Variants in CACNA1B observed in about 807,000 individuals in gnomAD.
CACNA1B encodes calcium voltage-gated channel subunit alpha1 B.
Under a neutral mutation model 247.2 loss-of-function variants are expected in CACNA1B, and 70 were observed. The observed-to-expected ratio is 0.28, with a 90% CI of 0.23 to 0.35. The LOEUF is 0.35. CACNA1B is among the 10% of genes least tolerant of loss of function. The pLI is 1.00. For synonymous variants in CACNA1B, 1,231 were observed against 1,294.4 expected (o/e 0.95, Z 1.05); for missense variants, 2,367 against 3,197.4 (o/e 0.74, Z 6.26).
rs1462485382 is a variant in CACNA1B, at chr9:137,987,654, TG to T, written c.1974+802del. On this transcript the variant is annotated intron_variant, in intron 15 of 46. Transcript: ENST00000371372. ...TGCTGATCCTACCCTTGGTCAGGGC[TG>T]GAGCCTACAACTTGTGTGAAGAGAG... 2.0e-5 allele frequency among the ~76,000 whole-genome samples: 3 copies of T among 152,204 alleles called. No homozygotes were observed. In the South Asian group the frequency reaches 6.2e-4, roughly 31 times the overall value.
At chr9:138,104,275 G>A (rs1961350198) in intron 38 of CACNA1B, among the ~76,000 whole-genome samples, 1 of 152,240 alleles carries the variant, frequency 6.6e-6, no homozygotes, top group Non-Finnish European at 1.5e-5. Context: ...GGGGCCTGGA[G>A]TGGGCTGATG....
chr9:138,110,102 GATATATATATATATAC>G (rs1961570649), intron 39 of CACNA1B, among the ~76,000 whole-genome samples: 1 of 144,442 alleles, frequency 6.9e-6, no homozygotes, highest in Admixed American at 6.9e-5. Context: ...TTTGCTATAT[GATATATATATATATAC>G]ATATATATAT....
rs1194782552 is a variant in CACNA1B at position 138,121,298 on chromosome 9, C to T, written c.6490-171C>T. 6.6e-6 allele frequency among the ~76,000 whole-genome samples: 1 copy of T among 152,192 alleles called. No homozygotes were observed. The highest frequency in any genetic ancestry group is 1.5e-5 in the Non-Finnish European group (1 of 68,040). On this transcript the variant is annotated intron_variant, in intron 46 of 46. Transcript: ENST00000371372. This position sits in a 1 kb window ranked among gnomAD's most constrained non-coding sequence, Gnocchi z 6.8. ...GGCCTGACCCTGACCATCGCCCTCC[C>T]CCGCACACAGGTGCCTGTTGCCTCC...
intron 3 of CACNA1B, among the ~76,000 whole-genome samples, chr9:137,904,694 C>T (rs1039170227): frequency 6.6e-6 from 1 of 152,084 alleles, no homozygotes; most frequent in Non-Finnish European, 1.5e-5. Context: ...CTGCTGTCCC[C>T]TCAAGAATTT....
rs1314454181 is a variant in CACNA1B, at chr9:137,971,744, G to A, written c.1543+152G>A. On this transcript the variant is annotated intron_variant, in intron 11 of 46. Transcript: ENST00000371372. This position sits in a 1 kb window ranked among gnomAD's most constrained non-coding sequence, Gnocchi z 4.4. ...CCACAGCCCTAGTCAGCCTCCAGGA[G>A]CCTCTGTGGGGGCCTGGGGTGTGTC... Among the ~76,000 whole-genome samples the A allele has an allele frequency of 1.3e-5, 2 of 152,156 alleles. No homozygotes were observed. Among genetic ancestry groups the A allele is most frequent in the African/African-American group, 2.4e-5 (1 of 41,444 alleles).
chr9:138,121,757 C>G lies in CACNA1B; in HGVS notation c.6778C>G (p.Leu2260Val), dbSNP rs749603206. Residue 2260 changes from leucine (L) to valine (V), a missense_variant, in exon 47 of 47, where the codon CTG (leucine) becomes GTG (valine). Physicochemically the swap from Leu to Val is conservative, Grantham distance 32. This residue lies in a region of CACNA1B where 773 missense variants were observed against 779.4 expected (regional missense o/e 0.99). Coordinates refer to ENST00000371372, the MANE Select transcript of CACNA1B (RefSeq NM_000718.4). The surrounding 1 kb of genome is among the most constrained non-coding windows in gnomAD (Gnocchi z 6.8). ...PGSRIGSDPY[L>V]GQRLDSEASV... ...CTCTCGAATTGGCTCTGACCCTTAC[C>G]TGGGGCAGCGTCTGGACAGTGAGGC... 6.2e-7 allele frequency: 1 copy of G among 1,613,214 alleles called. No individual in the cohort carries two copies. The highest frequency in any genetic ancestry group is 8.5e-7 in the Non-Finnish European group (1 of 1,179,876).
intron 6 of CACNA1B, among the ~76,000 whole-genome samples, chr9:137,947,835 T>G (rs1344143066): frequency 6.6e-6 from 1 of 152,130 alleles, no homozygotes. Context: ...ATGGTATCAT[T>G]TTTTTCTGCT....
chr9:137,972,355 C>T (rs1435638543), intron 11 of CACNA1B, among the ~76,000 whole-genome samples: 1 of 152,170 alleles, frequency 6.6e-6, no homozygotes, highest in Admixed American at 6.5e-5. Context: ...CTGCACTCAC[C>T]CTGCTGGGTG....
At position 138,078,150 on chromosome 9, in the gene CACNA1B, G is replaced by A. The variant is rs1372454038; in HGVS notation, c.4986G>A (p.Leu1662=). The A allele has an allele frequency of 6.2e-7, 1 of 1,613,982 alleles. No individual in the cohort carries two copies. The highest frequency in any genetic ancestry group is 8.5e-7 in the Non-Finnish European group (1 of 1,179,852). The change falls in exon 36 of 47, where the codon CTG becomes CTA. Residue 1662 remains leucine (L), a synonymous_variant. Coordinates refer to ENST00000371372, the MANE Select transcript of CACNA1B (RefSeq NM_000718.4). ...GGGAGGCCTGGCACGAGATCATGCT[G>A]TCCTGCCTGAGCAACCAGGCCTGTG... is the stretch of plus-strand genomic sequence containing the variant. ...ATGEAWHEIM[L]SCLSNQACDE... is the part of the protein sequence containing the mutation.
rs577540679 is a variant in CACNA1B at position 138,053,762 on chromosome 9, C to T, written c.3808-84C>T. On this transcript the variant is annotated intron_variant, in intron 25 of 46. Coordinates refer to ENST00000371372, the MANE Select transcript of CACNA1B (RefSeq NM_000718.4). ...CCCTCATCGTGGCTCCACCCCTCCC[C>T]GTGACCCTACCCTTCCCCCTCATGG... is the stretch of plus-strand genomic sequence containing the variant. 43 of 1,053,324 alleles carry T rather than the reference C, an allele frequency of 4.1e-5. 1 individual carries two copies. The Middle Eastern group carries it at 1.3e-3, about 33-fold the overall frequency. 65.2% of individuals were successfully genotyped at this position (1,053,324 alleles called of 1,614,324 possible).
rs1589075637 is a variant in CACNA1B at position 138,023,905 on chromosome 9, G to T, written c.3068+94G>T. The T allele has an allele frequency of 4.5e-6, 3 of 665,682 alleles. No individual in the cohort carries two copies. In the East Asian group the frequency reaches 9.1e-5, roughly 20 times the overall value. The allele number at this position is 665,682 out of a possible 1,614,324, so 41.2% of individuals were successfully genotyped here. On this transcript the variant is annotated intron_variant, in intron 19 of 46. Coordinates refer to ENST00000371372, the MANE Select transcript of CACNA1B (RefSeq NM_000718.4). The stretch of plus-strand genomic sequence containing the variant: ...CTGCGGCCATGGGGTCCACGGCGGA[G>T]GCTGCAGCCCCGGCCACGCTGCCAT...
Position 138,053,033 on chromosome 9 carries a change from A to G in CACNA1B, c.3808-813A>G, listed in dbSNP as rs115829909. ...CCAGGTTGGGAGGGACCCAAGAGAA[A>G]GCCTCAGGTGGTGATGGCTGATGAC... is the stretch of plus-strand genomic sequence containing the variant. On this transcript the variant is annotated intron_variant, in intron 25 of 46. Transcript: ENST00000371372. Among the ~76,000 whole-genome samples, 1,467 of 152,340 alleles carry G rather than the reference A, an allele frequency of 9.6e-3. 25 individuals carry two copies. The highest frequency in any genetic ancestry group is 0.034 in the African/African-American group (1,409 of 41,572).
intron 36 of CACNA1B, among the ~76,000 whole-genome samples, chr9:138,079,697 C>T (rs923520545): frequency 2.8e-5 from 4 of 142,080 alleles, no homozygotes; most frequent in Non-Finnish European, 6.0e-5. Flanking sequence ...GAGCCGAGAT[C>T]GCGCCATTGT....
At chr9:138,055,129 C>CTTT (rs1306363608) in intron 26 of CACNA1B, among the ~76,000 whole-genome samples, 1 of 140,716 alleles carries the variant, frequency 7.1e-6, no homozygotes, top group Non-Finnish European at 1.6e-5. Context: ...TTTTCTTTTT[C>CTTT]TTTTTTTTTT....
At position 138,023,407 on chromosome 9, in the gene CACNA1B, G is replaced by C. The variant is rs1958875595; in HGVS notation, c.2664G>C (p.Pro888=). The change falls in exon 19 of 47, where the codon CCG becomes CCC. Residue 888 remains proline, a synonymous_variant. Transcript: ENST00000371372. ...EPGAREERPR[P]HRSHSKEAAG... Reference sequence around the variant, plus strand: ...GTGCCCGGGAGGAGCGGCCGCGGCCGCACCGCAGCCACAGCAAGGAGGCCG... The same window carrying C: ...GTGCCCGGGAGGAGCGGCCGCGGCCCCACCGCAGCCACAGCAAGGAGGCCG... 1.5e-6 allele frequency: 2 copies of C among 1,324,574 alleles called. No homozygotes were observed. Among genetic ancestry groups the C allele is most frequent in the African/African-American group, 1.6e-5 (1 of 63,974 alleles). 82.1% of individuals were successfully genotyped at this position (1,324,574 alleles called of 1,614,324 possible).
In CACNA1B at chr9:138,023,030, A is replaced by G; in HGVS notation, c.2287A>G (p.Lys763Glu). ...CCGCAGCAGGCAGCAGAACTCGGCC[A>G]AGGCGCGCTCGGTGTGGGAGCAGCG... Reference protein sequence around the residue: ...SIAARQQNSAKARSVWEQRAS... With the variant: ...SIAARQQNSAEARSVWEQRAS... Residue 763 changes from lysine (K) to glutamate (E), a missense_variant, in exon 19 of 47, where the codon AAG becomes GAG. Physicochemically the swap from Lys to Glu is moderately conservative, Grantham distance 56 (BLOSUM62 1). Coordinates refer to ENST00000371372, the MANE Select transcript of CACNA1B (RefSeq NM_000718.4). 6.6e-7 allele frequency: 1 copy of G among 1,518,660 alleles called. No individual in the cohort carries two copies. The highest frequency in any genetic ancestry group is 2.6e-5 in the East Asian group (1 of 38,826). 94.1% of individuals were successfully genotyped at this position (1,518,660 alleles called of 1,614,324 possible).
At position 137,957,749 on chromosome 9, in the gene CACNA1B, C is replaced by T. The variant is rs541275927; in HGVS notation, c.1333+62C>T. ...TGAGCTGGACATGGAGTGCATGCTC[C>T]GCTTCCCCTGCTACCCAGCCACTGT... On this transcript the variant is annotated intron_variant, in intron 10 of 46. Transcript: ENST00000371372. This position sits in a 1 kb window ranked among gnomAD's most constrained non-coding sequence, Gnocchi z 4.7. 1.7e-5 allele frequency: 20 copies of T among 1,181,238 alleles called. 1 individual carries two copies. The Middle Eastern group carries it at 1.0e-3, about 60-fold the overall frequency. The allele number at this position is 1,181,238 out of a possible 1,614,324, so 73.2% of individuals were successfully genotyped here. A position where few individuals can be genotyped will look rare whatever the true frequency, so the allele number is the denominator to read the frequency against.
intron 21 of CACNA1B, among the ~76,000 whole-genome samples, chr9:138,044,585 G>A (rs898177158): frequency 6.6e-6 from 1 of 152,260 alleles, no homozygotes; most frequent in African/African-American, 2.4e-5. Flanking sequence ...AGAAGGTCAG[G>A]TGGGGCTTCT....
At chr9:137,910,660 G>A (rs1420844893) in intron 3 of CACNA1B, among the ~76,000 whole-genome samples, 1 of 152,178 alleles carries the variant, frequency 6.6e-6, no homozygotes, top group Non-Finnish European at 1.5e-5. Context: ...TAAGGAGCGT[G>A]CAACCTAGAT....
Sources: allele counts gnomAD v4.1 joint callset (sites outside exome capture counted in the v4.1 genomes callset), GRCh38; gene constraint gnomAD v4.1.1; regional missense constraint gnomAD v4.1.1; non-coding constraint Gnocchi (gnomAD v3.1); transcripts MANE v1.5; gene names NCBI Gene and HGNC (gene_info 2026-07-23, HGNC 2026-07-21).